The following CPA6 variants were observed in gnomAD, a reference collection of about 807,000 sequenced individuals.
The protein encoded by CPA6 is carboxypeptidase B.
Under a neutral mutation model 63.3 loss-of-function variants are expected in CPA6, and 58 were observed. The ratio of observed to expected loss-of-function variants is 0.92; its 90% CI spans 0.74 to 1.14. CPA6 has a LOEUF of 1.14. CPA6 is among the 50% of genes most tolerant of loss of function. The probability of loss-of-function intolerance (pLI) is 0.00; values close to 1 mark genes in which losing one functional copy is unlikely to be tolerated. For missense variants in CPA6, 565 were observed against 526.6 expected, an observed-to-expected ratio of 1.07 and a Z score of -0.71; for synonymous variants, 185 against 179.0, an observed-to-expected ratio of 1.03 and a Z score of -0.27.
intron 8 of CPA6, among the ~76,000 whole-genome samples, chr8:67,479,894 C>T (rs919410290): frequency 1.3e-5 from 2 of 151,948 alleles, no homozygotes; most frequent in African/African-American, 4.8e-5. Context: ...TGAAAACCCC[C>T]AATTTGTAAT....
intron 1 of CPA6, among the ~76,000 whole-genome samples, chr8:67,630,620 G>T (rs527522337): frequency 6.6e-6 from 1 of 152,370 alleles, no homozygotes; most frequent in Admixed American, 6.5e-5. Flanking sequence ...TGCCCACTCT[G>T]GCCATGCTTG....
intron 8 of CPA6, among the ~76,000 whole-genome samples, chr8:67,480,150 G>C (rs1354485995): frequency 6.6e-6 from 1 of 152,098 alleles, no homozygotes; most frequent in Non-Finnish European, 1.5e-5. Flanking sequence ...TGCCTAACTT[G>C]CTCCTAAATA....
At chr8:67,702,076 A>C (rs951338121) in intron 1 of CPA6, among the ~76,000 whole-genome samples, 8 of 152,272 alleles carry the variant, frequency 5.3e-5, no homozygotes, top group Middle Eastern at 3.4e-3. Context: ...CTCCAGGGAA[A>C]GACAGTCTCC....
chr8:67,694,751 C>G (rs901447140), intron 1 of CPA6, among the ~76,000 whole-genome samples: 5 of 152,194 alleles, frequency 3.3e-5, no homozygotes, highest in African/African-American at 1.2e-4. Flanking sequence ...TGAAAGTGGA[C>G]AGCTGCAGCG....
chr8:67,463,580 T>C (rs1257435472), intron 8 of CPA6, among the ~76,000 whole-genome samples: 2 of 152,182 alleles, frequency 1.3e-5, no homozygotes, highest in African/African-American at 4.8e-5. Context: ...CCTGAGTATG[T>C]TGCATCATTC....
intron 2 of CPA6, among the ~76,000 whole-genome samples, chr8:67,554,132 G>A (rs760260043): frequency 1.3e-5 from 2 of 152,188 alleles, no homozygotes; most frequent in Admixed American, 1.3e-4. Flanking sequence ...CTTGATTAGG[G>A]AGTGTAATAG....
intron 1 of CPA6, among the ~76,000 whole-genome samples, chr8:67,683,181 G>A (rs1283803463): frequency 6.6e-6 from 1 of 152,194 alleles, no homozygotes; most frequent in Non-Finnish European, 1.5e-5. Context: ...TGTACCTGAT[G>A]TTCCATATTT....
At chr8:67,431,408 T>G (rs112016465) in intron 9 of CPA6, among the ~76,000 whole-genome samples, 1 of 151,876 alleles carries the variant, frequency 6.6e-6, no homozygotes, top group Non-Finnish European at 1.5e-5. Flanking sequence ...GCCCGGCTAA[T>G]TTTTGTATTT....
At chr8:67,629,880 G>C (rs1256886695) in intron 1 of CPA6, among the ~76,000 whole-genome samples, 1 of 152,058 alleles carries the variant, frequency 6.6e-6, no homozygotes, top group African/African-American at 2.4e-5. Flanking sequence ...GCCGAGGCGG[G>C]TGGATCACGA....
rs1183117293 is a variant in CPA6, at chr8:67,653,339, G to A, written c.117-29088C>T. Among the ~76,000 whole-genome samples, 3 of 152,108 alleles carry A rather than the reference G, an allele frequency of 2.0e-5. 1 individual carries two copies. Among genetic ancestry groups the A allele is most frequent in the Admixed American group, 2.0e-4 (3 of 15,266 alleles). ...TCTATAAATTACCTTGGGCAGTATG[G>A]CCATTTTCACGATATTGATTCTTCC... On this transcript the variant is annotated intron_variant, in intron 1 of 10. Transcript: ENST00000297770.
chr8:67,701,062 G>C (rs1817014245), intron 1 of CPA6, among the ~76,000 whole-genome samples: 1 of 152,120 alleles, frequency 6.6e-6, no homozygotes, highest in Non-Finnish European at 1.5e-5. Flanking sequence ...TAGGGGCAAA[G>C]TACATCCCAG....
At chr8:67,464,241 T>C (rs114087855) in intron 8 of CPA6, among the ~76,000 whole-genome samples, 8,470 of 152,292 alleles carry the variant, frequency 0.056, 792 homozygotes, top group African/African-American at 0.19. Flanking sequence ...ATTGTAGTTT[T>C]GATTTACATT....
rs752874856 is a variant in CPA6, at chr8:67,482,554, C to T, written c.838+1214G>A. 4.6e-5 allele frequency among the ~76,000 whole-genome samples: 7 copies of T among 152,068 alleles called. No homozygotes were observed. In the South Asian group the frequency reaches 6.2e-4, roughly 14 times the overall value. Reference sequence around the variant, plus strand: ...TTATTGCTCATCATCACAACATTCCCGTGAAGAAAAGAGGCTGTTTCACCA... The same window carrying T: ...TTATTGCTCATCATCACAACATTCCTGTGAAGAAAAGAGGCTGTTTCACCA... On this transcript the variant is annotated intron_variant, in intron 8 of 10. Transcript: ENST00000297770.
At chr8:67,598,941 T>C (rs1277934880) in intron 2 of CPA6, among the ~76,000 whole-genome samples, 4 of 152,066 alleles carry the variant, frequency 2.6e-5, no homozygotes, top group Non-Finnish European at 5.9e-5. Context: ...AAATATTATA[T>C]AGTATTTAAA....
Position 67,670,685 on chromosome 8 carries a change from A to C in CPA6, c.117-46434T>G, listed in dbSNP as rs924111895. 2.6e-5 allele frequency among the ~76,000 whole-genome samples: 4 copies of C among 152,184 alleles called. No individual in the cohort carries two copies. The East Asian group carries it at 7.7e-4, about 29-fold the overall frequency. ...ACAATTACTAAGAAAACCAGTAAAA[A>C]TTATAGTATCTATTAACAGTCGGGC... On this transcript the variant is annotated intron_variant, in intron 1 of 10. Coordinates refer to ENST00000297770, the MANE Select transcript of CPA6 (RefSeq NM_020361.5).
At chr8:67,544,260 C>G (rs1017946393) in intron 2 of CPA6, among the ~76,000 whole-genome samples, 1 of 152,208 alleles carries the variant, frequency 6.6e-6, no homozygotes, top group Non-Finnish European at 1.5e-5. Flanking sequence ...CCTACCTAAT[C>G]CTAAGAGCAG....
At chr8:67,663,992 C>G (rs1431991132) in intron 1 of CPA6, among the ~76,000 whole-genome samples, 2 of 152,164 alleles carry the variant, frequency 1.3e-5, no homozygotes, top group African/African-American at 4.8e-5. Flanking sequence ...TGGAAGGATA[C>G]AGGGGCATCT....
chr8:67,616,838 G>C (rs1304635181), intron 2 of CPA6, among the ~76,000 whole-genome samples: 3 of 152,090 alleles, frequency 2.0e-5, no homozygotes, highest in Non-Finnish European at 4.4e-5. Flanking sequence ...CCATGGTCCA[G>C]TTGTCTGTCA....
chr8:67,503,471 T>A (rs1376783438), intron 6 of CPA6, among the ~76,000 whole-genome samples: 4 of 138,104 alleles, frequency 2.9e-5, no homozygotes, highest in Non-Finnish European at 6.0e-5. Context: ...TAATTAAATT[T>A]TTTTTTTTTT....
Sources: gnomAD v4.1 joint callset for allele counts (sites outside exome capture counted in the v4.1 genomes callset) on GRCh38, gnomAD v4.1.1 for gene constraint, MANE v1.5 for transcripts, NCBI Gene and HGNC (gene_info 2026-07-23, HGNC 2026-07-21) for gene names.